The following ADARB1 variants were observed in gnomAD, a reference collection of about 807,000 sequenced individuals.
The protein encoded by ADARB1 is adenosine deaminase RNA specific B1.
In ADARB1, 10 loss-of-function variants were observed where a neutral mutation model predicts 52.4. That is an observed-to-expected ratio of 0.19 (90% CI 0.12 to 0.32). The LOEUF is 0.32. ADARB1 is among the 10% of genes least tolerant of loss of function. ADARB1 has a pLI of 1.00. For synonymous variants in ADARB1, 349 were observed against 371.1 expected, an observed-to-expected ratio of 0.94 and a Z score of 0.68; for missense variants, 643 against 922.3, an observed-to-expected ratio of 0.70 and a Z score of 3.92.
At chr21:45,209,763 C>T (rs1676468797) in intron 9 of ADARB1, among the ~76,000 whole-genome samples, 1 of 152,200 alleles carries the variant, frequency 6.6e-6, no homozygotes, top group Admixed American at 6.5e-5. Context: ...TTCTTTCCTA[C>T]TTACTACCCT....
intron 2 of ADARB1, among the ~76,000 whole-genome samples, chr21:45,134,078 GGGTGTGTGCCCGACAGT>G (rs1195265699): frequency 9.7e-6 from 1 of 103,354 alleles, no homozygotes. Flanking sequence ...TGCGCCCGCC[GGGTGTGTGCCCGACAGT>G]GGTGTGTGCC....
intron 1 of ADARB1, among the ~76,000 whole-genome samples, chr21:45,121,166 G>A (rs553136732): frequency 2.6e-4 from 40 of 152,152 alleles, no homozygotes; most frequent in African/African-American, 9.2e-4. Context: ...TTGTTCGCTG[G>A]AACGGTATGT....
At chr21:45,125,585 A>G (rs2088524998) in intron 1 of ADARB1, among the ~76,000 whole-genome samples, 1 of 152,084 alleles carries the variant, frequency 6.6e-6, no homozygotes, top group South Asian at 2.1e-4. Flanking sequence ...CAGAGCAGTC[A>G]CCCGCCTGCT....
At chr21:45,206,950 C>T (rs950011155) in intron 9 of ADARB1, among the ~76,000 whole-genome samples, 3 of 152,184 alleles carry the variant, frequency 2.0e-5, no homozygotes, top group Non-Finnish European at 4.4e-5. Context: ...GGGGCTGTGC[C>T]GAGCTGATTC....
At chr21:45,153,891 A>C (rs2090429608) in intron 2 of ADARB1, among the ~76,000 whole-genome samples, 1 of 152,188 alleles carries the variant, frequency 6.6e-6, no homozygotes, top group Admixed American at 6.5e-5. Context: ...TCCTCAGTTA[A>C]GCTTTGGAAA....
intron 1 of ADARB1, among the ~76,000 whole-genome samples, chr21:45,125,704 G>T (rs1235272944): frequency 6.6e-6 from 1 of 152,238 alleles, no homozygotes; most frequent in Non-Finnish European, 1.5e-5. Flanking sequence ...GTTAATTTGG[G>T]CTTTTTCTCT....
At chr21:45,180,106 G>A (rs902373735) in intron 4 of ADARB1, among the ~76,000 whole-genome samples, 9 of 152,252 alleles carry the variant, frequency 5.9e-5, no homozygotes, top group Non-Finnish European at 1.0e-4. Flanking sequence ...CGCGGGTGGC[G>A]AAGGACTCAG....
chr21:45,108,466 G>A (rs1344323500), intron 1 of ADARB1, among the ~76,000 whole-genome samples: 1 of 152,208 alleles, frequency 6.6e-6, no homozygotes, highest in African/African-American at 2.4e-5. Flanking sequence ...TTTATTCTCA[G>A]TGTGCTTTGA....
chr21:45,173,978 G>T (rs2091588352), intron 3 of ADARB1, among the ~76,000 whole-genome samples: 1 of 152,052 alleles, frequency 6.6e-6, no homozygotes, highest in Non-Finnish European at 1.5e-5. Context: ...CTGCTGTCTT[G>T]GCCGAATGAT....
intron 8 of ADARB1, among the ~76,000 whole-genome samples, chr21:45,192,571 AC>A (rs1449612907): frequency 3.9e-5 from 6 of 152,118 alleles, no homozygotes; most frequent in Non-Finnish European, 7.3e-5. Context: ...AGTTGTGACT[AC>A]CTTGAGACCA....
chr21:45,079,417 C>G (rs2086068632), intron 1 of ADARB1, among the ~76,000 whole-genome samples: 1 of 152,208 alleles, frequency 6.6e-6, no homozygotes, highest in South Asian at 2.1e-4. Context: ...ATTCTTCCAA[C>G]TCAGCTTTTG....
At chr21:45,087,546 G>A (rs2086395502) in intron 1 of ADARB1, among the ~76,000 whole-genome samples, 1 of 152,142 alleles carries the variant, frequency 6.6e-6, no homozygotes, top group South Asian at 2.1e-4. Flanking sequence ...GACGGAGGAG[G>A]AGTGGGTGCC....
chr21:45,091,585 A>G (rs955990285), intron 1 of ADARB1, among the ~76,000 whole-genome samples: 3 of 152,152 alleles, frequency 2.0e-5, no homozygotes, highest in African/African-American at 7.2e-5. Flanking sequence ...AGGGAGAGCA[A>G]TAGGGATATG....
At chr21:45,165,900 G>C (rs1287036515) in intron 2 of ADARB1, among the ~76,000 whole-genome samples, 1 of 151,580 alleles carries the variant, frequency 6.6e-6, no homozygotes, top group Non-Finnish European at 1.5e-5. Context: ...ATATGTAAAA[G>C]TTTTCTCAAA....
chr21:45,165,986 T>C (rs1162715428), intron 2 of ADARB1, among the ~76,000 whole-genome samples: 1 of 152,236 alleles, frequency 6.6e-6, no homozygotes, highest in African/African-American at 2.4e-5. Context: ...TCACCAGTTG[T>C]CTTAAACAGT....
chr21:45,154,524 A>G (rs1281166092), intron 2 of ADARB1, among the ~76,000 whole-genome samples: 1 of 152,232 alleles, frequency 6.6e-6, no homozygotes, highest in Non-Finnish European at 1.5e-5. Flanking sequence ...TAAGACTGAT[A>G]CAATGTACGC....
intron 2 of ADARB1, among the ~76,000 whole-genome samples, chr21:45,158,641 C>T (rs1314173514): frequency 3.3e-5 from 5 of 152,110 alleles, no homozygotes; most frequent in African/African-American, 9.7e-5. Flanking sequence ...ATATGTGTTT[C>T]CTCCACCAAA....
chr21:45,213,936 G>C (rs2092815583), intron 9 of ADARB1, among the ~76,000 whole-genome samples: 1 of 152,156 alleles, frequency 6.6e-6, no homozygotes, highest in South Asian at 2.1e-4. Flanking sequence ...CCTAAGATAG[G>C]TGTATGTTGA....
intron 2 of ADARB1, among the ~76,000 whole-genome samples, 180 bp from the exon 3 acceptor site, chr21:45,171,430 C>T (rs192543550): frequency 2.0e-5 from 3 of 152,298 alleles, no homozygotes; most frequent in Admixed American, 2.0e-4. Context: ...CTGGAATGTG[C>T]CAAGGAGGAG....
Sources: allele counts gnomAD v4.1 joint callset (sites outside exome capture counted in the v4.1 genomes callset), GRCh38; gene constraint gnomAD v4.1.1; transcripts MANE v1.5; gene names NCBI Gene and HGNC (gene_info 2026-07-23, HGNC 2026-07-21).